Variants in JOSD1 observed in about 807,000 individuals in gnomAD.
JOSD1 encodes josephin-1.
In JOSD1, 11 loss-of-function variants were observed where a neutral mutation model predicts 24.3. The observed-to-expected ratio is 0.45, with a 90% confidence interval of 0.29 to 0.75. The LOEUF (loss-of-function observed/expected upper bound fraction) is 0.75. Ranked by LOEUF, JOSD1 falls within the 30% of genes least tolerant of loss-of-function variation. The pLI is 0.11. For missense variants in JOSD1, 184 were observed against 253.5 expected (o/e 0.73, Z 1.86); for synonymous variants, 106 against 93.8 (o/e 1.13, Z -0.75).
chr22:38,695,524 T>C (rs1374514607), intron 2 of JOSD1, among the ~76,000 whole-genome samples: 2 of 150,506 alleles, frequency 1.3e-5, no homozygotes, highest in Admixed American at 6.7e-5. Context: ...CATGGCTCAC[T>C]GCAGCCTCGA....
chr22:38,700,657 G>T, intron 1 of JOSD1, 39 bp from the exon 2 acceptor site: 2 of 982,682 alleles, frequency 2.0e-6, no homozygotes, highest in Non-Finnish European at 2.4e-6. Context: ...CGGCGAGCGG[G>T]CGCGGGAAGT....
rs1013474881 is a variant in JOSD1 at position 38,700,599 on chromosome 22, C to T, written c.-612G>A. ...GCGGCTCCCTCGGAAGGCGCGGATT[C>T]TAGCCCTCTGGCCGCGGCCCTGCGG... On this transcript the variant is annotated 5_prime_UTR_variant, in exon 2 of 5. Coordinates refer to ENST00000683374, the MANE Select transcript of JOSD1 (RefSeq NM_001360236.2). The T allele has an allele frequency of 2.0e-6, 2 of 985,166 alleles. No homozygotes were observed. The highest frequency in any genetic ancestry group is 3.5e-5 in the African/African-American group (2 of 57,210). 61.0% of individuals were successfully genotyped at this position (985,166 alleles called of 1,614,324 possible).
intron 2 of JOSD1, among the ~76,000 whole-genome samples, chr22:38,697,916 T>C (rs1459336106): frequency 6.6e-6 from 1 of 152,268 alleles, no homozygotes; most frequent in African/African-American, 2.4e-5. Flanking sequence ...AGAGTGTGAC[T>C]GGATACACAG....
In JOSD1 at chr22:38,697,019, A is replaced by T. The variant is rs927684825; in HGVS notation, c.185+2784T>A. Among the ~76,000 whole-genome samples, 7 of 152,296 alleles carry T rather than the reference A, an allele frequency of 4.6e-5. No individual in the cohort carries two copies. In the East Asian group the frequency reaches 1.3e-3, roughly 29 times the overall value. ...CAAATTGATCACTTTTCACTTTTTA[A>T]TTGCTCTGAATGCCAGGGTTCTAAC... On this transcript the variant is annotated intron_variant, in intron 2 of 4. Coordinates refer to ENST00000683374, the MANE Select transcript of JOSD1 (RefSeq NM_001360236.2).
rs1299613925 is a variant in JOSD1 at position 38,700,927 on chromosome 22, G to C, written c.-759C>G. Reference sequence around the variant, plus strand: ...ACCGCAGCCGGCCGCCACCTGGAGTGCGCGCCGCCAACTGGGCCGTGCGGG... The same window carrying C: ...ACCGCAGCCGGCCGCCACCTGGAGTCCGCGCCGCCAACTGGGCCGTGCGGG... On this transcript the variant is annotated 5_prime_UTR_variant, in exon 1 of 5. Coordinates refer to ENST00000683374, the MANE Select transcript of JOSD1 (RefSeq NM_001360236.2). 3.0e-6 allele frequency: 3 copies of C among 984,410 alleles called. No homozygotes were observed. The highest frequency in any genetic ancestry group is 3.6e-6 in the Non-Finnish European group (3 of 829,594). The allele number at this position is 984,410 out of a possible 1,614,324, so 61.0% of individuals were successfully genotyped here.
intron 2 of JOSD1, among the ~76,000 whole-genome samples, chr22:38,694,539 T>A (rs1017450588): frequency 2.6e-5 from 4 of 152,006 alleles, no homozygotes; most frequent in African/African-American, 9.7e-5. Flanking sequence ...CAGCCAGAGG[T>A]TAGAGCCATG....
upstream of JOSD1, chr22:38,701,032 C>T (rs1297143394): frequency 1.5e-5 from 14 of 957,134 alleles, no homozygotes; most frequent in South Asian, 4.3e-4. Context: ...GCCGTCCTCA[C>T]TCCTCCCAGC....
intron 2 of JOSD1, among the ~76,000 whole-genome samples, chr22:38,691,899 T>C (rs1176964838): frequency 1.3e-5 from 2 of 152,210 alleles, no homozygotes; most frequent in Non-Finnish European, 2.9e-5. Flanking sequence ...AGCAGGGGCC[T>C]TGACTATCTG....
chr22:38,700,289 T>TGG lies in JOSD1; in HGVS notation c.-303_-302insCC. 5.5e-5 allele frequency: 49 copies of TGG among 894,154 alleles called. No individual in the cohort carries two copies. Among genetic ancestry groups the TGG allele is most frequent in the Non-Finnish European group, 6.3e-5 (46 of 733,556 alleles). 55.4% of individuals were successfully genotyped at this position (894,154 alleles called of 1,614,324 possible). A position where few individuals can be genotyped will look rare whatever the true frequency, so the allele number is the denominator to read the frequency against. ...GACCTTGTTTCCGTTTCCCCACCCT[T>TGG]CCCTCCCACCCCCCTCCAAAATCCC... On this transcript the variant is annotated 5_prime_UTR_variant, in exon 2 of 5. Transcript: ENST00000683374.
intron 2 of JOSD1, among the ~76,000 whole-genome samples, chr22:38,691,812 C>T (rs1376365729): frequency 6.6e-6 from 1 of 152,144 alleles, no homozygotes; most frequent in African/African-American, 2.4e-5. Context: ...TACCTCACAT[C>T]AACCTTTTGA....
At chr22:38,689,844 T>C (rs2092513815) in intron 2 of JOSD1, among the ~76,000 whole-genome samples, 1 of 151,528 alleles carries the variant, frequency 6.6e-6, no homozygotes. Flanking sequence ...ATGTATAAAC[T>C]GGGGTTGGAT....
chr22:38,692,781 CA>C (rs61214432), intron 2 of JOSD1, among the ~76,000 whole-genome samples: 4,076 of 44,980 alleles, frequency 0.091, 55 homozygotes, highest in African/African-American at 0.2. Context: ...AACTCTGTCT[CA>C]AAAAAAAAAA....
rs755091281 is a variant in JOSD1 at position 38,699,829 on chromosome 22, C to G, written c.159G>C (p.Arg53=). Residue 53 remains arginine (R), a synonymous_variant, in exon 2 of 5, where the codon CGG becomes CGC. Transcript: ENST00000683374. ...TCTGGAAAATCTCTTGCAGCGTATC[C>G]CGGGTGAAGGCATTGCTGTCCTGGA... ...NVFQDSNAFT[R]DTLQEIFQRL... is the part of the protein sequence containing the mutation. 4 of 1,614,040 alleles carry G rather than the reference C, an allele frequency of 2.5e-6. No individual in the cohort carries two copies. The African/African-American group carries it at 4.0e-5, about 16-fold the overall frequency.
chr22:38,690,936 C>CTT, intron 2 of JOSD1, among the ~76,000 whole-genome samples: 1 of 152,090 alleles, frequency 6.6e-6, no homozygotes, highest in Admixed American at 6.5e-5. Flanking sequence ...CAGCTAACTG[C>CTT]TTGAACGTAG....
At chr22:38,701,132 T>G, upstream of JOSD1, 1 of 313,640 alleles carries the variant, frequency 3.2e-6, no homozygotes, top group Non-Finnish European at 4.6e-6. Context: ...GTTCAACGGT[T>G]GGGGTGTTGC....
intron 3 of JOSD1, 64 bp from the exon 4 acceptor site, chr22:38,689,193 T>C: frequency 6.2e-7 from 1 of 1,601,506 alleles, no homozygotes; most frequent in Non-Finnish European, 8.5e-7. Flanking sequence ...CTGGCTGTAA[T>C]ACCACAACTG....
In JOSD1 at chr22:38,685,701, G is replaced by T. The variant is rs1254271811; in HGVS notation, c.*2201C>A. 1 of 152,580 alleles carries T rather than the reference G, an allele frequency of 6.6e-6. No homozygotes were observed. The highest frequency in any genetic ancestry group is 6.5e-5 in the Admixed American group (1 of 15,270). The allele number at this position is 152,580 out of a possible 1,614,324, so 9.5% of individuals were successfully genotyped here. A position where few individuals can be genotyped will look rare whatever the true frequency, so the allele number is the denominator to read the frequency against. The stretch of plus-strand genomic sequence containing the variant: ...CGCAGCACAAGGCCAACAACAAAAA[G>T]GAATAAAAGCAAGAAAAACAAAAAG... On this transcript the variant is annotated 3_prime_UTR_variant, in exon 5 of 5. Transcript: ENST00000683374.
chr22:38,693,815 C>T (rs183867222), intron 2 of JOSD1, among the ~76,000 whole-genome samples: 1 of 152,272 alleles, frequency 6.6e-6, no homozygotes, highest in Non-Finnish European at 1.5e-5. Flanking sequence ...TTCCCTGGAT[C>T]CTCTGTAAAA....
At chr22:38,699,740 C>A (rs1358783199) in intron 2 of JOSD1, 63 bp downstream of exon 2, 2 of 1,503,246 alleles carry the variant, frequency 1.3e-6, no homozygotes, top group Non-Finnish European at 1.8e-6. Context: ...AGCTGAGACA[C>A]TGCCCCACCC....
Sources: allele counts gnomAD v4.1 joint callset (sites outside exome capture counted in the v4.1 genomes callset), GRCh38; gene constraint gnomAD v4.1.1; transcripts MANE v1.5; gene names NCBI Gene and HGNC (gene_info 2026-07-23, HGNC 2026-07-21).